CADPS2: variants seen among roughly 807,000 people sequenced by gnomAD.
The protein encoded by CADPS2 is calcium-dependent secretion activator 2.
In CADPS2, 93 loss-of-function variants were observed where a neutral mutation model predicts 172.5. The ratio of observed to expected loss-of-function variants is 0.54; its 90% CI spans 0.46 to 0.64. CADPS2 has a LOEUF of 0.64. CADPS2 is among the 30% of genes least tolerant of loss of function. The pLI is 0.00. For missense variants in CADPS2, 1,420 were observed against 1,565.9 expected, an observed-to-expected ratio of 0.91 and a Z score of 1.57; for synonymous variants, 546 against 555.2, an observed-to-expected ratio of 0.98 and a Z score of 0.23.
intron 2 of CADPS2, among the ~76,000 whole-genome samples, chr7:122,721,646 T>C (rs979556220): frequency 6.6e-6 from 1 of 151,996 alleles, no homozygotes; most frequent in Non-Finnish European, 1.5e-5. Context: ...CCGAAACTAT[T>C]CCAATCAACA....
chr7:122,333,846 T>G (rs903258212), intron 28 of CADPS2, among the ~76,000 whole-genome samples: 15 of 151,694 alleles, frequency 9.9e-5, no homozygotes, highest in African/African-American at 3.1e-4. Context: ...CATTCAATTT[T>G]CATGAAAAGA....
At chr7:122,766,762 G>T (rs2093562903) in intron 1 of CADPS2, among the ~76,000 whole-genome samples, 2 of 152,252 alleles carry the variant, frequency 1.3e-5, no homozygotes, top group South Asian at 4.2e-4. Flanking sequence ...TGTGTCAGCA[G>T]ATCATGACAT....
At chr7:122,541,716 CATATATTCAT>C (rs2063011041) in intron 8 of CADPS2, among the ~76,000 whole-genome samples, 1 of 142,996 alleles carries the variant, frequency 7.0e-6, no homozygotes, top group South Asian at 2.2e-4. Flanking sequence ...CATATATTTA[CATATATTCAT>C]ATATATTTAT....
chr7:122,490,212 T>A lies in CADPS2; in HGVS notation c.1721A>T (p.Asp574Val). Reference sequence around the variant, plus strand: ...AACCCATAATATTCTGTCCTGTTCATCATCACTGGCAAAGATTACAGTATC... The same window carrying A: ...AACCCATAATATTCTGTCCTGTTCAACATCACTGGCAAAGATTACAGTATC... ...EGDTVIFASD[D>V]EQDRILWVQA... The change falls in exon 11 of 30, where the codon GAT (aspartate) becomes GTT (valine). Residue 574 changes from aspartate to valine, a missense_variant. Asp to Val is a radical substitution (Grantham distance 152, BLOSUM62 -3). Coordinates refer to ENST00000449022, the MANE Select transcript of CADPS2 (RefSeq NM_017954.11). 6.2e-7 allele frequency: 1 copy of A among 1,613,402 alleles called. No homozygotes were observed. The highest frequency in any genetic ancestry group is 8.5e-7 in the Non-Finnish European group (1 of 1,179,570).
At chr7:122,355,489 G>A (rs1448020076) in intron 27 of CADPS2, among the ~76,000 whole-genome samples, 1 of 151,808 alleles carries the variant, frequency 6.6e-6, no homozygotes, top group East Asian at 1.9e-4. Flanking sequence ...GCTGAGGCAC[G>A]AGAATCACTT....
chr7:122,795,149 A>G (rs1796098876), intron 1 of CADPS2, among the ~76,000 whole-genome samples: 1 of 150,368 alleles, frequency 6.7e-6, no homozygotes, highest in Non-Finnish European at 1.5e-5. Flanking sequence ...TTGAGACATA[A>G]AAAAAAAAAT....
At chr7:122,566,302 G>C (rs564582832) in intron 7 of CADPS2, among the ~76,000 whole-genome samples, 14 of 152,222 alleles carry the variant, frequency 9.2e-5, no homozygotes, top group African/African-American at 3.4e-4. Context: ...GGGAACCCTT[G>C]CATATTGTTG....
intron 29 of CADPS2, among the ~76,000 whole-genome samples, chr7:122,324,523 C>T (rs2033400408): frequency 6.6e-6 from 1 of 151,874 alleles, no homozygotes; most frequent in South Asian, 2.1e-4. Flanking sequence ...GGGGTGGGGC[C>T]CAAGAATTTG....
At chr7:122,511,271 C>T (rs2130791599) in intron 9 of CADPS2, among the ~76,000 whole-genome samples, 1 of 117,878 alleles carries the variant, frequency 8.5e-6, no homozygotes, top group South Asian at 2.6e-4. Context: ...CAAAGTTTTA[C>T]AATTCCTTCA....
intron 14 of CADPS2, among the ~76,000 whole-genome samples, chr7:122,467,260 T>C (rs988545125): frequency 7.2e-5 from 11 of 152,304 alleles, no homozygotes; most frequent in African/African-American, 2.6e-4. Context: ...GTGTCATTTA[T>C]ACTTAATTTC....
chr7:122,596,919 G>A (rs1208837665), intron 6 of CADPS2, among the ~76,000 whole-genome samples: 1 of 152,002 alleles, frequency 6.6e-6, no homozygotes, highest in East Asian at 1.9e-4. Context: ...CTGGAAGACT[G>A]GGTGTCCAGT....
intron 2 of CADPS2, among the ~76,000 whole-genome samples, chr7:122,706,721 T>C (rs1032987578): frequency 2.7e-5 from 4 of 147,548 alleles, no homozygotes; most frequent in Non-Finnish European, 6.0e-5. Context: ...CTCATATATA[T>C]GTATATATAC....
chr7:122,495,841 A>T lies in CADPS2; in HGVS notation c.1543-4421T>A, dbSNP rs2058691621. Among the ~76,000 whole-genome samples the T allele has an allele frequency of 2.6e-5, 4 of 152,214 alleles. No homozygotes were observed. The South Asian group carries it at 8.3e-4, about 32-fold the overall frequency. ...ATTTTAAATCTTTTTATTTTTTGCC[A>T]ACTTTGATGGGTGGGAAGTGGTATT... On this transcript the variant is annotated intron_variant, in intron 9 of 29. Transcript: ENST00000449022.
At chr7:122,463,382 T>C (rs962001361) in intron 14 of CADPS2, among the ~76,000 whole-genome samples, 6 of 151,906 alleles carry the variant, frequency 3.9e-5, no homozygotes, top group African/African-American at 1.5e-4. Context: ...TGCAATGGCA[T>C]GATCTCGGCT....
At chr7:122,473,290 C>T (rs554597398) in intron 13 of CADPS2, among the ~76,000 whole-genome samples, 3 of 152,228 alleles carry the variant, frequency 2.0e-5, no homozygotes, top group South Asian at 2.1e-4. Context: ...GTTTTCTGTA[C>T]GTCACTTTCC....
At chr7:122,869,362 C>G (rs988475863) in intron 1 of CADPS2, among the ~76,000 whole-genome samples, 1 of 152,172 alleles carries the variant, frequency 6.6e-6, no homozygotes, top group East Asian at 1.9e-4. Context: ...AAAGGAACTT[C>G]TATAACACTA....
chr7:122,708,550 T>G (rs1425506837), intron 2 of CADPS2, among the ~76,000 whole-genome samples: 6 of 98,368 alleles, frequency 6.1e-5, no homozygotes, highest in South Asian at 3.4e-4. Context: ...TATATATATA[T>G]ATATATATAT....
intron 7 of CADPS2, among the ~76,000 whole-genome samples, chr7:122,573,015 C>T (rs548742575): frequency 1.3e-4 from 20 of 152,194 alleles, no homozygotes; most frequent in Non-Finnish European, 1.6e-4. Flanking sequence ...CCAATGTCTA[C>T]GAAATTTGAG....
intron 3 of CADPS2, among the ~76,000 whole-genome samples, chr7:122,656,842 G>A (rs2079857154): frequency 2.6e-5 from 4 of 152,188 alleles, no homozygotes; most frequent in Admixed American, 1.3e-4. Context: ...TTTGGCTTTT[G>A]ACGCCATTGC....
Sources: allele counts gnomAD v4.1 joint callset (sites outside exome capture counted in the v4.1 genomes callset), GRCh38; gene constraint gnomAD v4.1.1; transcripts MANE v1.5; gene names NCBI Gene and HGNC (gene_info 2026-07-23, HGNC 2026-07-21).